ZNF461: variants seen among roughly 807,000 people sequenced by gnomAD.
ZNF461 encodes the protein zinc finger protein 461.
In ZNF461, 16 loss-of-function variants were observed where a neutral mutation model predicts 18.3. That is an observed-to-expected ratio of 0.88 (90% CI 0.59 to 1.33). The LOEUF is 1.33. ZNF461 is among the 40% of genes most tolerant of loss of function. The pLI, the probability that ZNF461 is intolerant of heterozygous loss-of-function variation, is 0.00. For synonymous variants in ZNF461, 179 were observed against 216.9 expected (o/e 0.83, Z 1.54); for missense variants, 595 against 669.9 (o/e 0.89, Z 1.23).
chr19:36,640,906 C>T (rs575982469), intron 5 of ZNF461, among the ~76,000 whole-genome samples: 8 of 152,318 alleles, frequency 5.3e-5, no homozygotes, highest in African/African-American at 1.7e-4. Context: ...AATTTTAAAA[C>T]TTCAGCTCCT....
chr19:36,656,913 G>C (rs544650530), intron 3 of ZNF461, among the ~76,000 whole-genome samples: 1 of 151,172 alleles, frequency 6.6e-6, no homozygotes, highest in East Asian at 2.0e-4. Flanking sequence ...TCCACTTCAC[G>C]GGTTCAAGTG....
Position 36,637,975 on chromosome 19 carries a change from G to T in ZNF461, c.*678C>A. ...GAAGATTTTAAAAAATAAATGTAAT[G>T]TCAAAATATATACGCCAGATACTCT... is the stretch of plus-strand genomic sequence containing the variant. On this transcript the variant is annotated 3_prime_UTR_variant, in exon 6 of 6. Transcript: ENST00000588268. 1 of 306,384 alleles carries T rather than the reference G, an allele frequency of 3.3e-6. No homozygotes were observed. The highest frequency in any genetic ancestry group is 2.8e-5 in the South Asian group (1 of 35,438). 19.0% of individuals were successfully genotyped at this position (306,384 alleles called of 1,614,324 possible). A position where few individuals can be genotyped will look rare whatever the true frequency, so the allele number is the denominator to read the frequency against.
intron 4 of ZNF461, among the ~76,000 whole-genome samples, chr19:36,653,747 C>G (rs773613186): frequency 1.3e-5 from 2 of 152,084 alleles, no homozygotes; most frequent in African/African-American, 4.8e-5. Context: ...TCCCACAACA[C>G]GTGGGAATTA....
At chr19:36,662,367 C>T (rs1234880827) in intron 2 of ZNF461, among the ~76,000 whole-genome samples, 4 of 152,096 alleles carry the variant, frequency 2.6e-5, no homozygotes, top group Non-Finnish European at 5.9e-5. Context: ...AGTGATTCTC[C>T]TGCCTCAGCC....
intron 2 of ZNF461, among the ~76,000 whole-genome samples, chr19:36,661,017 G>A (rs2037809109): frequency 6.6e-6 from 1 of 152,174 alleles, no homozygotes; most frequent in South Asian, 2.1e-4. Flanking sequence ...GTCTGGCGCA[G>A]TGGCTCACCC....
At position 36,639,180 on chromosome 19, in the gene ZNF461, C is replaced by T. The variant is rs939355011; in HGVS notation, c.1165G>A (p.Glu389Lys). 1 of 1,613,814 alleles carries T rather than the reference C, an allele frequency of 6.2e-7. No individual in the cohort carries two copies. The highest frequency in any genetic ancestry group is 1.1e-5 in the South Asian group (1 of 91,056). The change falls in exon 6 of 6, where the codon GAA becomes AAA. Residue 389 changes from glutamate to lysine, a missense_variant. Transcript: ENST00000588268. ...TGATAGCTAAAGGCCTTCCCACATT[C>T]CCGACATTCATAGGGTTTCTCACCA... ...HTGEKPYECR[E>K]CGKAFSYHSS...
chr19:36,659,663 T>C (rs1359002146), intron 2 of ZNF461, among the ~76,000 whole-genome samples: 1 of 152,200 alleles, frequency 6.6e-6, no homozygotes, highest in Non-Finnish European at 1.5e-5. Context: ...CTAAGGTACA[T>C]ATTCCATTGT....
chr19:36,639,227 G>C lies in ZNF461; in HGVS notation c.1118C>G (p.Thr373Ser). 6.2e-7 allele frequency: 1 copy of C among 1,614,054 alleles called. No individual in the cohort carries two copies. Among genetic ancestry groups the C allele is most frequent in the Non-Finnish European group, 8.5e-7 (1 of 1,180,012 alleles). Residue 373 changes from threonine (T) to serine (S), a missense_variant, in exon 6 of 6, where the codon ACT (threonine) becomes AGT (serine). Thr to Ser is a moderately conservative substitution (Grantham distance 58). Coordinates refer to ENST00000588268, the MANE Select transcript of ZNF461 (RefSeq NM_153257.5). ...GKTFRHRSHLTIHQRIHTGEK... is the reference protein window; with the variant it reads ...GKTFRHRSHLSIHQRIHTGEK... ...ACCAGTATGAATTCTCTGATGTATA[G>C]TAAGATGTGAGCGATGCCTAAAAGT...
intron 2 of ZNF461, 83 bp from the exon 3 acceptor site, chr19:36,658,508 T>C: frequency 7.3e-7 from 1 of 1,377,532 alleles, no homozygotes; most frequent in Non-Finnish European, 1.0e-6. Flanking sequence ...AAGAAGGTAC[T>C]GCAAGGAAGG....
Position 36,654,813 on chromosome 19 carries a change from T to A in ZNF461, c.232+1635A>T, listed in dbSNP as rs2037688267. ...CCCTCTGCCATCTCTACCTCCTCAA[T>A]ATAGTCATATATTACTTTCTCTAAC... On this transcript the variant is annotated intron_variant, in intron 4 of 5. Transcript: ENST00000588268. Among the ~76,000 whole-genome samples the A allele has an allele frequency of 2.6e-5, 4 of 152,318 alleles. No individual in the cohort carries two copies. In the South Asian group the frequency reaches 8.3e-4, roughly 32 times the overall value.
intron 5 of ZNF461, among the ~76,000 whole-genome samples, chr19:36,641,000 A>G (rs974180240): frequency 2.0e-5 from 3 of 152,280 alleles, no homozygotes; most frequent in Non-Finnish European, 4.4e-5. Context: ...CTATAACCAA[A>G]TTAATCTGTC....
At chr19:36,650,595 C>A (rs2037609146) in intron 4 of ZNF461, among the ~76,000 whole-genome samples, 1 of 152,148 alleles carries the variant, frequency 6.6e-6, no homozygotes, top group Admixed American at 6.5e-5. Context: ...GCCAGTATTA[C>A]TCTGATACCA....
At chr19:36,641,112 A>C (rs1213827457) in intron 5 of ZNF461, among the ~76,000 whole-genome samples, 1 of 152,140 alleles carries the variant, frequency 6.6e-6, no homozygotes, top group African/African-American at 2.4e-5. Context: ...AGCGGGCTTC[A>C]TTTCATCTAA....
chr19:36,644,228 C>T (rs888137088), intron 4 of ZNF461, among the ~76,000 whole-genome samples: 4 of 151,492 alleles, frequency 2.6e-5, no homozygotes, highest in Non-Finnish European at 5.9e-5. Context: ...CCACCACACC[C>T]AGCAGAGAAT....
intron 4 of ZNF461, among the ~76,000 whole-genome samples, chr19:36,652,678 T>C (rs1224588444): frequency 2.0e-5 from 3 of 152,102 alleles, no homozygotes; most frequent in Admixed American, 6.6e-5. Context: ...TTAAAAACTT[T>C]TGCTCTGCAA....
chr19:36,655,849 T>C (rs878965090), intron 4 of ZNF461, among the ~76,000 whole-genome samples: 1 of 152,202 alleles, frequency 6.6e-6, no homozygotes, highest in African/African-American at 2.4e-5. Flanking sequence ...TTTTTCTATA[T>C]GGTGTAAGAC....
intron 5 of ZNF461, chr19:36,643,166 G>A (rs3108609): frequency 0.66 from 100,235 of 151,958 alleles, 33,332 homozygotes; most frequent in East Asian, 0.8. Context: ...CTTCCTTACA[G>A]ACGATGTTTT....
rs1011930269 is a variant in ZNF461 at position 36,636,988 on chromosome 19, G to A, written c.*1665C>T. ...GGTCATAGGAACGTGATGGCAATTAGGAGGCTTTCCTCCTCAGAGGCCTCT... is the reference window on the plus strand; with the variant it reads ...GGTCATAGGAACGTGATGGCAATTAAGAGGCTTTCCTCCTCAGAGGCCTCT... On this transcript the variant is annotated 3_prime_UTR_variant, in exon 6 of 6. Transcript: ENST00000588268. Among the ~76,000 whole-genome samples the A allele has an allele frequency of 6.6e-6, 1 of 152,092 alleles. No homozygotes were observed. The highest frequency in any genetic ancestry group is 2.4e-5 in the African/African-American group (1 of 41,430).
At chr19:36,644,329 T>C (rs1006104778) in intron 4 of ZNF461, among the ~76,000 whole-genome samples, 3 of 151,260 alleles carry the variant, frequency 2.0e-5, no homozygotes, top group Admixed American at 6.6e-5. Flanking sequence ...AGTGCAATGG[T>C]GCGATCTTGG....
Sources: allele counts gnomAD v4.1 joint callset (sites outside exome capture counted in the v4.1 genomes callset), GRCh38; gene constraint gnomAD v4.1.1; transcripts MANE v1.5; gene names NCBI Gene and HGNC (gene_info 2026-07-23, HGNC 2026-07-21).